Variants in NARF observed in about 807,000 individuals in gnomAD.
NARF encodes the protein nuclear prelamin A recognition factor.
A neutral mutation model predicts 48.0 loss-of-function variants in NARF; 41 were observed. That is an observed-to-expected ratio of 0.85 (90% CI 0.66 to 1.11). The LOEUF (loss-of-function observed/expected upper bound fraction) is 1.11. Among genes scored for constraint, NARF ranks in the 50% least tolerant of loss-of-function variants. The pLI, the probability that NARF is intolerant of heterozygous loss-of-function variation, is 0.00. For missense variants in NARF, 613 were observed against 590.2 expected (o/e 1.04, Z -0.40); for synonymous variants, 215 against 225.5 (o/e 0.95, Z 0.42).
chr17:82,466,609 T>C (rs1266753110), intron 3 of NARF, among the ~76,000 whole-genome samples: 5 of 152,072 alleles, frequency 3.3e-5, no homozygotes, highest in African/African-American at 4.8e-5. Flanking sequence ...GGCACCACCA[T>C]GCCCAGCTAA....
At chr17:82,459,877 TA>T in intron 1 of NARF, 114 bp from the exon 2 acceptor site, 1 of 823,736 alleles carries the variant, frequency 1.2e-6, no homozygotes, top group Non-Finnish European at 1.9e-6. Flanking sequence ...AAAAAATAAA[TA>T]AATAAACTAA....
chr17:82,467,990 T>C (rs2043610378), intron 3 of NARF, among the ~76,000 whole-genome samples: 1 of 152,218 alleles, frequency 6.6e-6, no homozygotes, highest in Non-Finnish European at 1.5e-5. Flanking sequence ...TGACAAAGTC[T>C]TTTAGATCTG....
At chr17:82,474,213 C>T (rs898812243) in intron 5 of NARF, among the ~76,000 whole-genome samples, 20 of 152,150 alleles carry the variant, frequency 1.3e-4, no homozygotes, top group African/African-American at 4.8e-4. Context: ...GAAAGTACAA[C>T]ATATCTCAGA....
intron 3 of NARF, among the ~76,000 whole-genome samples, chr17:82,465,921 G>A (rs765559364): frequency 2.6e-5 from 4 of 152,196 alleles, no homozygotes; most frequent in Non-Finnish European, 4.4e-5. Flanking sequence ...CATTAGTTGT[G>A]TCTGGGTGTA....
chr17:82,467,352 C>T (rs1023573986), intron 3 of NARF, among the ~76,000 whole-genome samples: 2 of 152,158 alleles, frequency 1.3e-5, no homozygotes. Context: ...TGGCCCTTGA[C>T]TCTTATATCT....
intron 5 of NARF, among the ~76,000 whole-genome samples, chr17:82,475,739 G>A (rs2043818237): frequency 6.6e-6 from 1 of 152,168 alleles, no homozygotes; most frequent in South Asian, 2.1e-4. Context: ...ACCTCTCAGG[G>A]CCCCTACCTA....
intron 7 of NARF, chr17:82,482,070 T>C: frequency 3.3e-6 from 1 of 298,820 alleles, no homozygotes; most frequent in South Asian, 2.5e-5. Context: ...TTCAGAAGAA[T>C]GTTGACATCA....
At chr17:82,480,930 CAAAAAAAAA>C (rs35163925) in intron 6 of NARF, 143 bp from the exon 7 acceptor site, 8 of 628,764 alleles carry the variant, frequency 1.3e-5, no homozygotes, top group East Asian at 1.1e-4. Context: ...GACTCCATTT[CAAAAAAAAA>C]AAAAAAAAAA....
Position 82,458,778 on chromosome 17 carries a change from C to G in NARF, c.-26C>G, listed in dbSNP as rs1285594621. ...CGGTGCTTCCCTGAGGCTGAGGCGC[C>G]CGGCCTCCCGCCCGCCGCGCTCCAG... On this transcript the variant is annotated 5_prime_UTR_variant, in exon 1 of 11. Transcript: ENST00000309794. 2.7e-6 allele frequency: 4 copies of G among 1,462,678 alleles called. No individual in the cohort carries two copies. Among genetic ancestry groups the G allele is most frequent in the Non-Finnish European group, 3.6e-6 (4 of 1,113,664 alleles). 90.6% of individuals were successfully genotyped at this position (1,462,678 alleles called of 1,614,324 possible).
chr17:82,486,221 G>T (rs1164532153), intron 10 of NARF, among the ~76,000 whole-genome samples: 1 of 152,168 alleles, frequency 6.6e-6, no homozygotes, highest in Non-Finnish European at 1.5e-5. Flanking sequence ...CACGGTGGGG[G>T]TCTCCGGGAA....
intron 5 of NARF, among the ~76,000 whole-genome samples, chr17:82,475,953 A>G (rs1363067774): frequency 2.6e-5 from 4 of 151,858 alleles, no homozygotes; most frequent in African/African-American, 7.3e-5. Context: ...AAAAGTATAA[A>G]CTTTATTTCT....
In NARF at chr17:82,460,119, T is replaced by G. The variant is rs759940223; in HGVS notation, c.108+47T>G. 6.6e-6 allele frequency: 10 copies of G among 1,524,540 alleles called. No individual in the cohort carries two copies. The South Asian group carries it at 1.1e-4, about 17-fold the overall frequency. The allele number at this position is 1,524,540 out of a possible 1,614,324, so 94.4% of individuals were successfully genotyped here. A position where few individuals can be genotyped will look rare whatever the true frequency, so the allele number is the denominator to read the frequency against. ...GTATCAGCCCAGAGTAAACTACTGC[T>G]GCTGTTTTTCTCTTTGGGGGCTCAC... On this transcript the variant is annotated intron_variant, in intron 2 of 10. Transcript: ENST00000309794.
intron 5 of NARF, 137 bp from the exon 6 acceptor site, chr17:82,478,663 T>A: frequency 1.1e-6 from 1 of 905,796 alleles, no homozygotes; most frequent in Non-Finnish European, 1.8e-6. Context: ...CAGCACGAGC[T>A]CCTGGTAAGG....
chr17:82,474,379 TTA>T, intron 5 of NARF, among the ~76,000 whole-genome samples: 1 of 152,244 alleles, frequency 6.6e-6, no homozygotes, highest in Non-Finnish European at 1.5e-5. Flanking sequence ...GATGCCTGAG[TTA>T]TAGAAGAGAT....
intron 2 of NARF, 94 bp from the exon 3 acceptor site, chr17:82,464,193 T>C (rs1247716768): frequency 6.7e-7 from 1 of 1,484,246 alleles, no homozygotes; most frequent in Non-Finnish European, 9.1e-7. Flanking sequence ...CTCCAATGTT[T>C]ACTGTGAATT....
In NARF at chr17:82,490,055, T is replaced by C. The variant is rs925738406; in HGVS notation, c.*1898T>C. The C allele has an allele frequency of 6.6e-6, 1 of 152,278 alleles. No homozygotes were observed. Among genetic ancestry groups the C allele is most frequent in the African/African-American group, 2.4e-5 (1 of 41,470 alleles). 9.4% of individuals were successfully genotyped at this position (152,278 alleles called of 1,614,324 possible). On this transcript the variant is annotated 3_prime_UTR_variant, in exon 11 of 11. Transcript: ENST00000309794. ...ATCGGGCCGGTCAGGCTGGAATTTC[T>C]GACCTCAGGTGATCCAACCACCTCA...
In NARF at chr17:82,464,349, C is replaced by T. The variant is rs773820894; in HGVS notation, c.171C>T (p.Asp57=). 10 of 1,613,994 alleles carry T rather than the reference C, an allele frequency of 6.2e-6. No homozygotes were observed. The East Asian group carries it at 1.1e-4, about 18-fold the overall frequency. ...TTTTGAGCGACTGCCTGGCATGTGA[C>T]AGCTGTATGACTGCAGAGGAAGGAG... is the stretch of plus-strand genomic sequence containing the variant. ...KIFLSDCLAC[D]SCMTAEEGVQ... Residue 57 remains aspartate (D), a synonymous_variant, in exon 3 of 11, where the codon GAC becomes GAT. Coordinates refer to ENST00000309794, the MANE Select transcript of NARF (RefSeq NM_012336.4).
intron 7 of NARF, chr17:82,482,026 A>G (rs1383141610): frequency 1.4e-5 from 4 of 294,344 alleles, no homozygotes; most frequent in South Asian, 2.6e-5. Context: ...TGTGTTGTGG[A>G]TGGAAGTGAT....
At chr17:82,472,448 C>T (rs957042542) in intron 4 of NARF, 116 bp from the exon 5 acceptor site, 2 of 1,186,914 alleles carry the variant, frequency 1.7e-6, no homozygotes, top group Non-Finnish European at 2.3e-6. Flanking sequence ...TATGCCACTG[C>T]ACTCTAGCCT....
Sources: gnomAD v4.1 joint callset for allele counts (sites outside exome capture counted in the v4.1 genomes callset) on GRCh38, gnomAD v4.1.1 for gene constraint, MANE v1.5 for transcripts, NCBI Gene and HGNC (gene_info 2026-07-23, HGNC 2026-07-21) for gene names.